KATNAL1: variants seen among roughly 807,000 people sequenced by gnomAD.
KATNAL1 encodes the protein katanin p60 ATPase-containing subunit A-like 1.
In KATNAL1, 32 loss-of-function variants were observed where a neutral mutation model predicts 55.2. The observed-to-expected ratio is 0.58, with a 90% CI of 0.44 to 0.78. The LOEUF (loss-of-function observed/expected upper bound fraction) is 0.78. Among genes scored for constraint, KATNAL1 ranks in the 30% least tolerant of loss-of-function variants. KATNAL1 has a pLI of 0.00. For missense variants in KATNAL1, 466 were observed against 600.9 expected (o/e 0.78, Z 2.35); for synonymous variants, 193 against 193.6 (o/e 1.00, Z 0.02).
intron 3 of KATNAL1, among the ~76,000 whole-genome samples, chr13:30,265,296 CGCACCA>C (rs1312410069): frequency 6.6e-6 from 1 of 151,466 alleles, no homozygotes; most frequent in Non-Finnish European, 1.5e-5. Context: ...GTGGGTGCAG[CGCACCA>C]GCATGGCATA....
chr13:30,221,909 G>A (rs1248058693), intron 9 of KATNAL1, among the ~76,000 whole-genome samples: 2 of 152,122 alleles, frequency 1.3e-5, no homozygotes, highest in African/African-American at 2.4e-5. Context: ...AAATTAGCCA[G>A]GTGCAGTGGC....
Position 30,210,357 on chromosome 13 carries a change from C to G in KATNAL1, c.1233G>C (p.Lys411Asn). Residue 411 changes from lysine (K) to asparagine (N), a missense_variant, in exon 10 of 11, where the codon AAG (lysine) becomes AAC (asparagine). Physicochemically the swap from Lys to Asn is moderately conservative, Grantham distance 94. Coordinates refer to ENST00000380615, the MANE Select transcript of KATNAL1 (RefSeq NM_032116.5). ...TGTCAGCACCAGAATAGCCCTCAATCTTCTCGGCTATATCTTCCAGTTGAA... is the reference window on the plus strand; with the variant it reads ...TGTCAGCACCAGAATAGCCCTCAATGTTCTCGGCTATATCTTCCAGTTGAA... Reference protein sequence around the residue: ...PDIQLEDIAEKIEGYSGADIT... With the variant: ...PDIQLEDIAENIEGYSGADIT... 1 of 1,609,612 alleles carries G rather than the reference C, an allele frequency of 6.2e-7. No individual in the cohort carries two copies. Among genetic ancestry groups the G allele is most frequent in the Non-Finnish European group, 8.5e-7 (1 of 1,178,326 alleles).
At chr13:30,241,238 C>T (rs1877247978) in intron 4 of KATNAL1, 152 bp from the exon 5 acceptor site, 1 of 700,638 alleles carries the variant, frequency 1.4e-6, no homozygotes, top group Non-Finnish European at 2.3e-6. Flanking sequence ...CCATTCTCCT[C>T]TATTTAATTC....
intron 3 of KATNAL1, among the ~76,000 whole-genome samples, chr13:30,260,620 G>C (rs1252360528): frequency 6.6e-6 from 1 of 152,166 alleles, no homozygotes; most frequent in Non-Finnish European, 1.5e-5. Context: ...AAGGGTATCA[G>C]CGATGGAAGA....
chr13:30,225,646 C>T (rs1447041872), intron 9 of KATNAL1, among the ~76,000 whole-genome samples: 1 of 77,580 alleles, frequency 1.3e-5, no homozygotes, highest in Non-Finnish European at 2.6e-5. Flanking sequence ...AATGACTCAT[C>T]TACACACACA....
intron 3 of KATNAL1, among the ~76,000 whole-genome samples, chr13:30,265,990 C>A (rs1160989047): frequency 1.0e-5 from 1 of 100,030 alleles, no homozygotes; most frequent in African/African-American, 3.9e-5. Context: ...CCAGCCTGGG[C>A]AAGATGAATG....
intron 9 of KATNAL1, among the ~76,000 whole-genome samples, chr13:30,222,364 A>C (rs1703118601): frequency 6.6e-6 from 1 of 152,144 alleles, no homozygotes; most frequent in African/African-American, 2.4e-5. Flanking sequence ...CTGGGCCTCT[A>C]ACCTGCCAGC....
intron 3 of KATNAL1, among the ~76,000 whole-genome samples, chr13:30,263,609 T>G (rs1368485875): frequency 6.6e-6 from 1 of 152,038 alleles, no homozygotes; most frequent in Non-Finnish European, 1.5e-5. Context: ...AAATCATGAG[T>G]GAACTCCCAT....
chr13:30,246,928 C>T (rs1425448647), intron 4 of KATNAL1, among the ~76,000 whole-genome samples: 1 of 152,152 alleles, frequency 6.6e-6, no homozygotes, highest in Non-Finnish European at 1.5e-5. Context: ...TAGTTCCCCA[C>T]TTTCATGTTA....
chr13:30,271,247 A>G (rs1252257240), intron 3 of KATNAL1, among the ~76,000 whole-genome samples: 3 of 152,256 alleles, frequency 2.0e-5, no homozygotes, highest in Admixed American at 2.0e-4. Context: ...GAGGAAAATG[A>G]GGGACAGGTT....
At chr13:30,225,677 C>CAT (rs991654299) in intron 9 of KATNAL1, among the ~76,000 whole-genome samples, 2 of 141,650 alleles carry the variant, frequency 1.4e-5, no homozygotes, top group Non-Finnish European at 3.2e-5. Flanking sequence ...CACACACACA[C>CAT]ACACACACAA....
At chr13:30,239,743 T>C (rs1373205680) in intron 6 of KATNAL1, among the ~76,000 whole-genome samples, 1 of 148,732 alleles carries the variant, frequency 6.7e-6, no homozygotes, top group East Asian at 2.0e-4. Context: ...TGGAGTGCAG[T>C]TGCGCGATCT....
At chr13:30,292,956 C>G (rs759315542) in intron 1 of KATNAL1, among the ~76,000 whole-genome samples, 1 of 152,152 alleles carries the variant, frequency 6.6e-6, no homozygotes, top group Non-Finnish European at 1.5e-5. Context: ...TTATATATCA[C>G]TTGTTTTTCC....
At chr13:30,230,885 A>G (rs1876033456) in intron 7 of KATNAL1, among the ~76,000 whole-genome samples, 1 of 152,248 alleles carries the variant, frequency 6.6e-6, no homozygotes, top group South Asian at 2.1e-4. Context: ...TTTTTCAAAA[A>G]TAAATCAACC....
At chr13:30,224,339 T>C (rs1457949681) in intron 9 of KATNAL1, among the ~76,000 whole-genome samples, 1 of 152,034 alleles carries the variant, frequency 6.6e-6, no homozygotes, top group Non-Finnish European at 1.5e-5. Context: ...GAGACCAGCC[T>C]GGGAAACACG....
chr13:30,258,670 G>C (rs1328703886), intron 3 of KATNAL1, among the ~76,000 whole-genome samples: 1 of 151,938 alleles, frequency 6.6e-6, no homozygotes, highest in African/African-American at 2.4e-5. Flanking sequence ...TTTTCTTCTA[G>C]AAGTTTTACT....
At chr13:30,251,707 G>GA (rs1172352307) in intron 4 of KATNAL1, among the ~76,000 whole-genome samples, 1 of 152,104 alleles carries the variant, frequency 6.6e-6, no homozygotes, top group African/African-American at 2.4e-5. Context: ...AAATAAAACA[G>GA]AAAAAATATA....
In KATNAL1 at chr13:30,208,297, G is replaced by A. The variant is rs1254051131; in HGVS notation, c.*243C>T. On this transcript the variant is annotated 3_prime_UTR_variant, in exon 11 of 11. Coordinates refer to ENST00000380615, the MANE Select transcript of KATNAL1 (RefSeq NM_032116.5). ...CAGCCTCCCTGATAGACTGGTTTGG[G>A]TGTGCAATATTAATGCAGGAATACG... is the stretch of plus-strand genomic sequence containing the variant. 3 of 400,660 alleles carry A rather than the reference G, an allele frequency of 7.5e-6. No homozygotes were observed. The highest frequency in any genetic ancestry group is 4.1e-5 in the African/African-American group (2 of 48,384). The allele number at this position is 400,660 out of a possible 1,614,324, so 24.8% of individuals were successfully genotyped here.
chr13:30,220,828 T>C (rs1874779194), intron 9 of KATNAL1, among the ~76,000 whole-genome samples: 1 of 151,922 alleles, frequency 6.6e-6, no homozygotes, highest in Non-Finnish European at 1.5e-5. Context: ...GCCGCCTGAG[T>C]AGCTGGAATT....
Sources: gnomAD v4.1 joint callset for allele counts (sites outside exome capture counted in the v4.1 genomes callset) on GRCh38, gnomAD v4.1.1 for gene constraint, MANE v1.5 for transcripts, NCBI Gene and HGNC (gene_info 2026-07-23, HGNC 2026-07-21) for gene names.